CHST9: variants seen among roughly 807,000 people sequenced by gnomAD.
CHST9 encodes the protein carbohydrate sulfotransferase 9.
A neutral mutation model predicts 44.4 loss-of-function variants in CHST9; 41 were observed. The ratio of observed to expected loss-of-function variants is 0.92; its 90% CI spans 0.72 to 1.20. CHST9 has a LOEUF of 1.20. Ranked by LOEUF, CHST9 falls within the 50% of genes most tolerant of loss-of-function variation. The pLI, the probability that CHST9 is intolerant of heterozygous loss-of-function variation, is 0.00. For missense variants in CHST9, 504 were observed against 516.5 expected, an observed-to-expected ratio of 0.98 and a Z score of 0.23; for synonymous variants, 171 against 178.4, an observed-to-expected ratio of 0.96 and a Z score of 0.33.
intron 2 of CHST9, among the ~76,000 whole-genome samples, chr18:27,051,277 A>T (rs58859890): frequency 0.037 from 5,448 of 146,238 alleles, 131 homozygotes; most frequent in East Asian, 0.07. Context: ...TTAGCCAGGC[A>T]TGGTGGCACA....
chr18:27,163,797 G>A (rs934323054), intron 1 of CHST9, among the ~76,000 whole-genome samples: 8 of 151,976 alleles, frequency 5.3e-5, no homozygotes, highest in East Asian at 1.9e-4. Flanking sequence ...TTCGGCTCAC[G>A]CTCAGTGCAC....
chr18:27,158,373 T>C (rs1375949819), intron 1 of CHST9, among the ~76,000 whole-genome samples: 6 of 151,888 alleles, frequency 4.0e-5, no homozygotes, highest in East Asian at 1.9e-4. Context: ...TTTGTCCTTG[T>C]GATAGTTTGC....
intron 2 of CHST9, among the ~76,000 whole-genome samples, chr18:27,131,022 C>T (rs16943314): frequency 0.068 from 10,303 of 152,174 alleles, 446 homozygotes; most frequent in East Asian, 0.14. Flanking sequence ...AGAAAAGAAA[C>T]CATCATGTAC....
At chr18:27,053,335 TAA>T (rs200925110) in intron 2 of CHST9, among the ~76,000 whole-genome samples, 1 of 48,866 alleles carries the variant, frequency 2.0e-5, no homozygotes, top group African/African-American at 7.4e-5. Context: ...AAGATTTCAT[TAA>T]AAAAAAAAAA....
At chr18:27,086,714 AAC>A (rs1344637326) in intron 2 of CHST9, among the ~76,000 whole-genome samples, 1 of 152,210 alleles carries the variant, frequency 6.6e-6, no homozygotes, top group Non-Finnish European at 1.5e-5. Context: ...ACTTTAAAAA[AAC>A]ACATACACAT....
chr18:27,184,173 A>G (rs2058936317), intron 1 of CHST9, among the ~76,000 whole-genome samples: 1 of 152,130 alleles, frequency 6.6e-6, no homozygotes, highest in South Asian at 2.1e-4. Context: ...ATAGGGAGAA[A>G]AAAGTCACAC....
intron 2 of CHST9, among the ~76,000 whole-genome samples, chr18:27,055,009 T>C (rs1198228113): frequency 2.0e-5 from 3 of 152,186 alleles, no homozygotes; most frequent in South Asian, 2.1e-4. Flanking sequence ...TGGTATCTTA[T>C]GAAACTTGCC....
intron 1 of CHST9, among the ~76,000 whole-genome samples, chr18:27,154,712 G>A (rs920511415): frequency 1.3e-5 from 2 of 152,046 alleles, no homozygotes; most frequent in Non-Finnish European, 2.9e-5. Flanking sequence ...GGTTCGGTAT[G>A]CAGATTCTGG....
intron 1 of CHST9, among the ~76,000 whole-genome samples, chr18:27,174,125 T>C (rs556662399): frequency 6.6e-6 from 1 of 152,082 alleles, no homozygotes; most frequent in East Asian, 1.9e-4. Flanking sequence ...TAGCCCAAAT[T>C]CACATTCCTT....
intron 2 of CHST9, among the ~76,000 whole-genome samples, chr18:27,064,097 G>A (rs1191565952): frequency 6.6e-6 from 1 of 151,852 alleles, no homozygotes; most frequent in Non-Finnish European, 1.5e-5. Flanking sequence ...AGATATTATG[G>A]GTAAAGAAAA....
At chr18:26,965,058 C>T (rs1166530351) in intron 4 of CHST9, among the ~76,000 whole-genome samples, 2 of 152,138 alleles carry the variant, frequency 1.3e-5, no homozygotes, top group Non-Finnish European at 1.5e-5. Context: ...TTGTAGTTGT[C>T]CAAAGTGATG....
intron 4 of CHST9, among the ~76,000 whole-genome samples, chr18:26,962,111 G>A (rs563648846): frequency 6.6e-6 from 1 of 152,086 alleles, no homozygotes; most frequent in Admixed American, 6.6e-5. Flanking sequence ...CTGCCAAAAG[G>A]CTCCAGCTTT....
chr18:27,004,717 C>T (rs1598631541), intron 4 of CHST9, among the ~76,000 whole-genome samples: 4 of 152,192 alleles, frequency 2.6e-5, no homozygotes, highest in South Asian at 2.1e-4. Flanking sequence ...ATGTGGCTGT[C>T]GTAGGGACAA....
intron 4 of CHST9, among the ~76,000 whole-genome samples, chr18:26,958,247 C>T (rs1026868133): frequency 6.6e-6 from 1 of 151,948 alleles, no homozygotes; most frequent in Non-Finnish European, 1.5e-5. Context: ...TACTTCACTT[C>T]CCTGGCTTTT....
At chr18:26,919,017 TG>T (rs2055594285) in intron 5 of CHST9, among the ~76,000 whole-genome samples, 1 of 152,152 alleles carries the variant, frequency 6.6e-6, no homozygotes, top group Admixed American at 6.5e-5. Flanking sequence ...CTGTCTTATA[TG>T]GTGGCAGGCA....
intron 2 of CHST9, among the ~76,000 whole-genome samples, chr18:27,100,102 T>C (rs556569602): frequency 2.8e-4 from 42 of 152,200 alleles, no homozygotes; most frequent in Non-Finnish European, 5.4e-4. Context: ...ATCATGTTCT[T>C]TACAGTAACA....
intron 1 of CHST9, among the ~76,000 whole-genome samples, chr18:27,161,569 G>A (rs2058747289): frequency 6.6e-6 from 1 of 152,164 alleles, no homozygotes. Flanking sequence ...GTGTGGTGCC[G>A]AGAAGAATGT....
chr18:26,936,985 A>G (rs1292655403), intron 5 of CHST9, among the ~76,000 whole-genome samples: 1 of 152,204 alleles, frequency 6.6e-6, no homozygotes, highest in African/African-American at 2.4e-5. Context: ...CTAACAATAA[A>G]GAACTTGTAA....
At chr18:27,033,072 T>C (rs985988916) in intron 3 of CHST9, among the ~76,000 whole-genome samples, 1 of 152,250 alleles carries the variant, frequency 6.6e-6, no homozygotes, top group Non-Finnish European at 1.5e-5. Context: ...CTTTATTCAA[T>C]TCATTTGTAA....
Sources: gnomAD v4.1 joint callset for allele counts (sites outside exome capture counted in the v4.1 genomes callset) on GRCh38, gnomAD v4.1.1 for gene constraint, MANE v1.5 for transcripts, NCBI Gene and HGNC (gene_info 2026-07-23, HGNC 2026-07-21) for gene names.